The following FLACC1 variants were observed in gnomAD, a reference collection of about 807,000 sequenced individuals.
FLACC1 encodes flagellum associated containing coiled-coil domains 1.
Under a neutral mutation model 62.8 loss-of-function variants are expected in FLACC1, and 66 were observed. The observed-to-expected ratio is 1.05, with a 90% CI of 0.86 to 1.29. FLACC1 has a LOEUF of 1.29. Among genes scored for constraint, FLACC1 ranks in the 50% most tolerant of loss-of-function variants. FLACC1 has a pLI of 0.00. For missense variants in FLACC1, 452 were observed against 489.1 expected, an observed-to-expected ratio of 0.92 and a Z score of 0.71; for synonymous variants, 156 against 161.0, an observed-to-expected ratio of 0.97 and a Z score of 0.24.
intron 11 of FLACC1, among the ~76,000 whole-genome samples, chr2:201,301,036 GCA>G: frequency 6.6e-6 from 1 of 152,338 alleles, no homozygotes; most frequent in South Asian, 2.1e-4. Context: ...CCAAAGGAAT[GCA>G]GCTCCTCACC....
chr2:201,310,317 G>A (rs765594609), intron 9 of FLACC1, among the ~76,000 whole-genome samples: 19 of 152,144 alleles, frequency 1.2e-4, no homozygotes, highest in Non-Finnish European at 2.1e-4. Context: ...GAAATTGTAA[G>A]TGGTAAATAG....
chr2:201,313,674 C>T (rs10931939), intron 9 of FLACC1, among the ~76,000 whole-genome samples: 2 of 151,866 alleles, frequency 1.3e-5, no homozygotes, highest in African/African-American at 4.8e-5. Flanking sequence ...AGTTCTAGGG[C>T]CCCACCCACC....
chr2:201,358,319 T>G (rs1294553467), upstream of FLACC1, among the ~76,000 whole-genome samples: 1 of 152,128 alleles, frequency 6.6e-6, no homozygotes, highest in Admixed American at 6.5e-5. Context: ...CATAGCTCAC[T>G]GCAGCCTTGA....
intron 9 of FLACC1, among the ~76,000 whole-genome samples, chr2:201,329,424 T>C (rs1442372616): frequency 1.3e-5 from 2 of 152,194 alleles, no homozygotes; most frequent in Non-Finnish European, 2.9e-5. Flanking sequence ...ACCATTTGAC[T>C]CAGCAATCCC....
chr2:201,329,489 C>T (rs1950552586), intron 9 of FLACC1, among the ~76,000 whole-genome samples: 1 of 152,204 alleles, frequency 6.6e-6, no homozygotes, highest in South Asian at 2.1e-4. Flanking sequence ...AAGACACCTT[C>T]TCTTGTATGT....
intron 9 of FLACC1, among the ~76,000 whole-genome samples, chr2:201,315,131 AC>A (rs1950285472): frequency 6.6e-6 from 1 of 152,108 alleles, no homozygotes; most frequent in Admixed American, 6.6e-5. Flanking sequence ...AAAAGCAAAA[AC>A]AAAAACAAAA....
intron 11 of FLACC1, among the ~76,000 whole-genome samples, chr2:201,306,185 G>C (rs1401540418): frequency 1.3e-5 from 2 of 152,092 alleles, no homozygotes; most frequent in Non-Finnish European, 2.9e-5. Context: ...TACAATCATG[G>C]CAGAAGGTAA....
At chr2:201,354,668 G>T (rs571394634) in intron 1 of FLACC1, among the ~76,000 whole-genome samples, 28 of 152,260 alleles carry the variant, frequency 1.8e-4, no homozygotes, top group Non-Finnish European at 2.8e-4. Flanking sequence ...CTGAAAGAAG[G>T]CTACAACAGT....
chr2:201,300,949 T>C (rs375686197), intron 11 of FLACC1, among the ~76,000 whole-genome samples: 8 of 151,910 alleles, frequency 5.3e-5, no homozygotes, highest in Non-Finnish European at 1.2e-4. Context: ...ACACCAAAGG[T>C]AGATAAAACC....
chr2:201,357,139 C>T lies in FLACC1; in HGVS notation c.-205G>A, dbSNP rs987855304. 4 of 152,230 alleles carry T rather than the reference C, an allele frequency of 2.6e-5. No individual in the cohort carries two copies. Among genetic ancestry groups the T allele is most frequent in the Non-Finnish European group, 4.4e-5 (3 of 68,018 alleles). 9.4% of individuals were successfully genotyped at this position (152,230 alleles called of 1,614,324 possible). A position where few individuals can be genotyped will look rare whatever the true frequency, so the allele number is the denominator to read the frequency against. The stretch of plus-strand genomic sequence containing the variant: ...TGGCCATTCCAAGTGGTTGAAATGC[C>T]GAAGGAGAAAATTCACAGTATATGT... On this transcript the variant is annotated 5_prime_UTR_variant, in exon 1 of 15. Coordinates refer to ENST00000392257, the MANE Select transcript of FLACC1 (RefSeq NM_001127391.3).
At chr2:201,343,396 G>A (rs1390641992) in intron 6 of FLACC1, among the ~76,000 whole-genome samples, 1 of 152,188 alleles carries the variant, frequency 6.6e-6, no homozygotes, top group East Asian at 1.9e-4. Context: ...ACCTGGCAGT[G>A]TTTTCAGATA....
chr2:201,346,583 C>G lies in FLACC1; in HGVS notation c.327G>C (p.Lys109Asn), dbSNP rs752976031. The G allele has an allele frequency of 1.2e-6, 2 of 1,614,186 alleles. No individual in the cohort carries two copies. Among genetic ancestry groups the G allele is most frequent in the Non-Finnish European group, 1.7e-6 (2 of 1,179,998 alleles). ...TGTCCGGGATCTCCGATTCCCACCG[C>G]TTTTTCCTATCAAACATCTCATCCC... ...TLGDEMFDRK[K>N]RWESEIPDKG... Residue 109 changes from lysine to asparagine, a missense_variant, in exon 5 of 15, where the codon AAG becomes AAC. Coordinates refer to ENST00000392257, the MANE Select transcript of FLACC1 (RefSeq NM_001127391.3). The surrounding 1 kb of genome is among the most constrained non-coding windows in gnomAD (Gnocchi z 4.0).
intron 13 of FLACC1, 40 bp from the exon 14 acceptor site, chr2:201,289,606 A>G: frequency 6.2e-7 from 1 of 1,612,944 alleles, no homozygotes; most frequent in Non-Finnish European, 8.5e-7. Context: ...TCCCCAACCC[A>G]GAGCCATCCA....
chr2:201,303,473 G>A (rs538386818), intron 11 of FLACC1, among the ~76,000 whole-genome samples: 9 of 152,246 alleles, frequency 5.9e-5, no homozygotes, highest in African/African-American at 1.4e-4. Flanking sequence ...AGCACCAGAC[G>A]GATTCACAGC....
At chr2:201,333,403 T>C (rs1224757841) in intron 7 of FLACC1, among the ~76,000 whole-genome samples, 1 of 152,206 alleles carries the variant, frequency 6.6e-6, no homozygotes, top group Non-Finnish European at 1.5e-5. Flanking sequence ...ATTGGATTTA[T>C]TTATTTATTT....
intron 12 of FLACC1, among the ~76,000 whole-genome samples, chr2:201,295,620 A>G (rs1170474061): frequency 6.6e-6 from 1 of 152,236 alleles, no homozygotes; most frequent in African/African-American, 2.4e-5. Flanking sequence ...TCATGTCTAA[A>G]ACACCAAAAG....
intron 12 of FLACC1, among the ~76,000 whole-genome samples, chr2:201,295,761 A>C (rs774713592): frequency 6.6e-6 from 1 of 152,228 alleles, no homozygotes. Context: ...CAACCTACTC[A>C]TCTGACAAAG....
upstream of FLACC1, among the ~76,000 whole-genome samples, chr2:201,359,241 G>A (rs1223098526): frequency 6.6e-6 from 1 of 152,180 alleles, no homozygotes; most frequent in Non-Finnish European, 1.5e-5. Flanking sequence ...AGGAAAGTGT[G>A]GAGGGATAAA....
chr2:201,299,936 TA>T (rs1383184593), intron 11 of FLACC1, among the ~76,000 whole-genome samples: 1 of 152,108 alleles, frequency 6.6e-6, no homozygotes. Flanking sequence ...AAAAGAGGTT[TA>T]GGGGGAGTTT....
Sources: allele counts gnomAD v4.1 joint callset (sites outside exome capture counted in the v4.1 genomes callset), GRCh38; gene constraint gnomAD v4.1.1; non-coding constraint Gnocchi (gnomAD v3.1); transcripts MANE v1.5; gene names NCBI Gene and HGNC (gene_info 2026-07-23, HGNC 2026-07-21).